Variants in CELF4 observed in about 807,000 individuals in gnomAD.
The protein encoded by CELF4 is CUG-BP- and ETR-3-like factor 4.
In CELF4, 18 loss-of-function variants were observed where a neutral mutation model predicts 59.9. The observed-to-expected ratio is 0.30, with a 90% CI of 0.21 to 0.45. CELF4 has a LOEUF of 0.45. Ranked by LOEUF, CELF4 falls within the 20% of genes least tolerant of loss-of-function variation. The probability of loss-of-function intolerance (pLI) is 1.00; values close to 1 mark genes in which losing one functional copy is unlikely to be tolerated. For synonymous variants in CELF4, 261 were observed against 267.1 expected (o/e 0.98, Z 0.22); for missense variants, 456 against 689.0 (o/e 0.66, Z 3.79).
intron 2 of CELF4, among the ~76,000 whole-genome samples, chr18:37,324,710 G>A (rs2097242934): frequency 6.6e-6 from 1 of 152,110 alleles, no homozygotes; most frequent in South Asian, 2.1e-4. Flanking sequence ...AGTGGAGGTG[G>A]TGCTTAAGTG....
intron 2 of CELF4, among the ~76,000 whole-genome samples, chr18:37,334,056 C>G (rs1327814051): frequency 6.6e-6 from 1 of 152,156 alleles, no homozygotes; most frequent in Non-Finnish European, 1.5e-5. Flanking sequence ...CCTGAAAGTG[C>G]GTTCTTTACC....
At chr18:37,304,283 C>A (rs1008242641) in intron 3 of CELF4, among the ~76,000 whole-genome samples, 16 of 152,212 alleles carry the variant, frequency 1.1e-4, no homozygotes, top group African/African-American at 2.4e-5. Flanking sequence ...GCATGAGCAC[C>A]TGCTATTAAT....
At position 37,475,698 on chromosome 18, in the gene CELF4, A is replaced by G. The variant is rs561814625; in HGVS notation, c.369+9827T>C. ...AGAGCAACTGATCTGCATGGAGTTG[A>G]TTGGAGCCTACAGGCTGTAAGGGGC... On this transcript the variant is annotated intron_variant, in intron 2 of 12. Transcript: ENST00000420428. 4.8e-3 allele frequency among the ~76,000 whole-genome samples: 724 copies of G among 152,240 alleles called. 3 individuals are homozygous for G. Among genetic ancestry groups the G allele is most frequent in the South Asian group, 0.011 (54 of 4,814 alleles).
At chr18:37,296,168 T>C (rs2095628327) in intron 3 of CELF4, among the ~76,000 whole-genome samples, 1 of 152,214 alleles carries the variant, frequency 6.6e-6, no homozygotes, top group African/African-American at 2.4e-5. Context: ...TTTCATATTT[T>C]ATTTTGAGAC....
In CELF4 at chr18:37,385,324, T is replaced by C. The variant is rs374181621; in HGVS notation, c.370-63443A>G. Reference sequence around the variant, plus strand: ...GAGTGGAGATCAAACTGCTGCACTATAGCCTGGGCAACAGTGCAAGACTCC... The same window carrying C: ...GAGTGGAGATCAAACTGCTGCACTACAGCCTGGGCAACAGTGCAAGACTCC... On this transcript the variant is annotated intron_variant, in intron 2 of 12. Transcript: ENST00000420428. Among the ~76,000 whole-genome samples the C allele has an allele frequency of 9.5e-5, 12 of 126,414 alleles. No homozygotes were observed. The East Asian group carries it at 2.5e-3, about 26-fold the overall frequency. The allele number at this position is 126,414 out of a possible 152,430, so 82.9% of individuals were successfully genotyped here. A position where few individuals can be genotyped will look rare whatever the true frequency, so the allele number is the denominator to read the frequency against.
chr18:37,552,954 C>T (rs1353325544), intron 1 of CELF4, among the ~76,000 whole-genome samples: 1 of 152,250 alleles, frequency 6.6e-6, no homozygotes, highest in East Asian at 1.9e-4. Flanking sequence ...CACAGCTCAA[C>T]AACGTGCTTT....
At chr18:37,265,756 C>T (rs1212733971) in intron 9 of CELF4, among the ~76,000 whole-genome samples, 5 of 152,182 alleles carry the variant, frequency 3.3e-5, no homozygotes, top group Non-Finnish European at 5.9e-5. Flanking sequence ...ATGTGCCAGG[C>T]CAGCTTCACC....
intron 2 of CELF4, among the ~76,000 whole-genome samples, chr18:37,470,924 G>T (rs1216663377): frequency 3.3e-5 from 5 of 150,904 alleles, no homozygotes; most frequent in Admixed American, 1.3e-4. Flanking sequence ...GAGAGAGGTG[G>T]AGCCTCTTTC....
At chr18:37,489,177 G>T (rs576613815) in intron 1 of CELF4, among the ~76,000 whole-genome samples, 50 of 152,394 alleles carry the variant, frequency 3.3e-4, no homozygotes, top group African/African-American at 1.2e-3. Flanking sequence ...CAGCCCATCC[G>T]ATGCAGCGGC....
At chr18:37,516,492 C>T (rs1025439628) in intron 1 of CELF4, among the ~76,000 whole-genome samples, 24 of 152,182 alleles carry the variant, frequency 1.6e-4, no homozygotes, top group African/African-American at 4.8e-4. Context: ...ACAGACTGAC[C>T]GTTATCTCCA....
At chr18:37,257,142 T>G (rs1011808836) in intron 11 of CELF4, among the ~76,000 whole-genome samples, 2 of 151,930 alleles carry the variant, frequency 1.3e-5, no homozygotes, top group Non-Finnish European at 2.9e-5. Flanking sequence ...AAGAGGGTAG[T>G]GCTTAGAGCA....
Position 37,247,637 on chromosome 18 carries a change from A to G in CELF4, c.*45-2440T>C, listed in dbSNP as rs577425209. On this transcript the variant is annotated intron_variant, in intron 12 of 12. Transcript: ENST00000420428. ...GGCACATCAACACACACACACGCAC[A>G]CACACACGCACGCACACACATACAC... The G allele has an allele frequency of 4.6e-5, 7 of 152,254 alleles. No homozygotes were observed. In the East Asian group the frequency reaches 1.2e-3, roughly 25 times the overall value. 9.4% of individuals were successfully genotyped at this position (152,254 alleles called of 1,614,324 possible). A position where few individuals can be genotyped will look rare whatever the true frequency, so the allele number is the denominator to read the frequency against.
At chr18:37,539,199 G>A (rs538276641) in intron 1 of CELF4, among the ~76,000 whole-genome samples, 8 of 152,274 alleles carry the variant, frequency 5.3e-5, no homozygotes, top group Non-Finnish European at 1.0e-4. Context: ...GAGCCTCTCC[G>A]AGAGCTTTGC....
At chr18:37,331,158 C>T (rs569843591) in intron 2 of CELF4, among the ~76,000 whole-genome samples, 17 of 152,278 alleles carry the variant, frequency 1.1e-4, no homozygotes, top group Non-Finnish European at 2.2e-4. Context: ...GCTGCCTGGG[C>T]GGGGCTGGCT....
rs1401546641 is a variant in CELF4 at position 37,244,608 on chromosome 18, T to A, written c.*634A>T. The A allele has an allele frequency of 1.3e-5, 2 of 152,534 alleles. No homozygotes were observed. The highest frequency in any genetic ancestry group is 1.3e-4 in the Admixed American group (2 of 15,266). 9.4% of individuals were successfully genotyped at this position (152,534 alleles called of 1,614,324 possible). A position where few individuals can be genotyped will look rare whatever the true frequency, so the allele number is the denominator to read the frequency against. The stretch of plus-strand genomic sequence containing the variant: ...GTTTTTTTTTTAATTTTTTATTACA[T>A]TTTTTCATAGAATCGCTCTAAGCTG... On this transcript the variant is annotated 3_prime_UTR_variant, in exon 13 of 13. Coordinates refer to ENST00000420428, the MANE Select transcript of CELF4 (RefSeq NM_020180.4).
At chr18:37,458,797 G>C (rs2099785737) in intron 2 of CELF4, among the ~76,000 whole-genome samples, 1 of 152,184 alleles carries the variant, frequency 6.6e-6, no homozygotes, top group South Asian at 2.1e-4. Flanking sequence ...TGCTTACAAA[G>C]CTCATTAAGG....
chr18:37,340,882 A>T (rs900077936), intron 2 of CELF4, among the ~76,000 whole-genome samples: 3 of 152,210 alleles, frequency 2.0e-5, no homozygotes, highest in Non-Finnish European at 2.9e-5. Flanking sequence ...CACTCCACGC[A>T]TGAGTCAGCT....
chr18:37,351,860 C>T (rs2098449599), intron 2 of CELF4, among the ~76,000 whole-genome samples: 1 of 152,072 alleles, frequency 6.6e-6, no homozygotes, highest in East Asian at 1.9e-4. Context: ...AAGTGATCTG[C>T]CCACCACAGT....
chr18:37,508,164 T>G (rs1173278068), intron 1 of CELF4, among the ~76,000 whole-genome samples: 1 of 152,196 alleles, frequency 6.6e-6, no homozygotes, highest in African/African-American at 2.4e-5. Flanking sequence ...GATACTGAGT[T>G]GCTATGGCAT....
Sources: allele counts gnomAD v4.1 joint callset (sites outside exome capture counted in the v4.1 genomes callset), GRCh38; gene constraint gnomAD v4.1.1; transcripts MANE v1.5; gene names NCBI Gene and HGNC (gene_info 2026-07-23, HGNC 2026-07-21).